The following LRP1B variants were observed in gnomAD, a reference collection of about 807,000 sequenced individuals.
The protein encoded by LRP1B is low-density lipoprotein receptor-related protein 1B.
In LRP1B, 217 loss-of-function variants were observed where a neutral mutation model predicts 556.6. That is an observed-to-expected ratio of 0.39 (90% CI 0.35 to 0.44). The LOEUF (loss-of-function observed/expected upper bound fraction) is 0.44, where lower values mean the gene tolerates loss of function less well. LRP1B is among the 20% of genes least tolerant of loss of function. The pLI, the probability that LRP1B is intolerant of heterozygous loss-of-function variation, is 1.00. For synonymous variants in LRP1B, 2,047 were observed against 1,865.8 expected (o/e 1.10, Z -2.50); for missense variants, 5,053 against 5,620.8 (o/e 0.90, Z 3.23).
chr2:141,819,402 G>A (rs975595873), intron 1 of LRP1B, among the ~76,000 whole-genome samples: 10 of 152,172 alleles, frequency 6.6e-5, no homozygotes, highest in African/African-American at 1.9e-4. Flanking sequence ...TAGAGGGCAA[G>A]GGGTTCTGTC....
At chr2:140,299,502 C>T (rs1000527331) in intron 83 of LRP1B, among the ~76,000 whole-genome samples, 7 of 151,930 alleles carry the variant, frequency 4.6e-5, no homozygotes, top group African/African-American at 7.2e-5. Flanking sequence ...ATACGTTAAA[C>T]GCTGAGTAAT....
At chr2:140,936,460 A>T (rs768134263) in intron 20 of LRP1B, among the ~76,000 whole-genome samples, 24 of 152,122 alleles carry the variant, frequency 1.6e-4, no homozygotes, top group Non-Finnish European at 3.1e-4. Flanking sequence ...TGAAGGTGAA[A>T]TTAAGACCTT....
intron 23 of LRP1B, among the ~76,000 whole-genome samples, chr2:140,891,049 A>G (rs894249846): frequency 6.6e-6 from 1 of 152,156 alleles, no homozygotes; most frequent in Non-Finnish European, 1.5e-5. Flanking sequence ...TAACAGCTCA[A>G]ATCAGCATAC....
intron 46 of LRP1B, among the ~76,000 whole-genome samples, chr2:140,535,792 G>A (rs1690931501): frequency 6.6e-6 from 1 of 152,112 alleles, no homozygotes. Context: ...GCTTACTAGA[G>A]TATAAAAGTT....
At chr2:141,430,050 G>A (rs1680508364) in intron 3 of LRP1B, among the ~76,000 whole-genome samples, 1 of 152,104 alleles carries the variant, frequency 6.6e-6, no homozygotes, top group African/African-American at 2.4e-5. Flanking sequence ...CACAGATGAG[G>A]TTCTTCTGTG....
In LRP1B at chr2:140,867,580, A is replaced by G; in HGVS notation, c.4579+10T>C. 6.2e-7 allele frequency: 1 copy of G among 1,608,310 alleles called. No homozygotes were observed. The highest frequency in any genetic ancestry group is 8.5e-7 in the Non-Finnish European group (1 of 1,176,826). On this transcript the variant is annotated intron_variant, in intron 27 of 90. Transcript: ENST00000389484. ...CTGGGTGGTTAATCCATAAGTGAAC[A>G]AGCACTTACCCTGTGGCTGGCGACT... is the stretch of plus-strand genomic sequence containing the variant.
At position 141,339,291 on chromosome 2, in the gene LRP1B, G is replaced by A. The variant is rs1374734619; in HGVS notation, c.344-84650C>T. On this transcript the variant is annotated intron_variant, in intron 3 of 90. Coordinates refer to ENST00000389484, the MANE Select transcript of LRP1B (RefSeq NM_018557.3). ...TATGTTTGTCATCTCACTACTGCTT[G>A]GGGTAACGCAAAAAAAAAAAAAAGC... Among the ~76,000 whole-genome samples, 4 of 99,064 alleles carry A rather than the reference G, an allele frequency of 4.0e-5. 1 individual carries two copies. Among genetic ancestry groups the A allele is most frequent in the Middle Eastern group, 9.8e-3 (2 of 204 alleles). 65.0% of individuals were successfully genotyped at this position (99,064 alleles called of 152,430 possible).
At chr2:141,937,372 G>A (rs775385025) in intron 1 of LRP1B, among the ~76,000 whole-genome samples, 4 of 151,216 alleles carry the variant, frequency 2.6e-5, no homozygotes, top group South Asian at 2.1e-4. Context: ...GCGACAGAGC[G>A]AGACTCCATC....
rs140035725 is a variant in LRP1B, at chr2:141,471,923, G to C, written c.343+8473C>G. Among the ~76,000 whole-genome samples, 42 of 152,262 alleles carry C rather than the reference G, an allele frequency of 2.8e-4. No homozygotes were observed. The East Asian group carries it at 7.9e-3, about 29-fold the overall frequency. ...ATGAGAAAGATGAAGGAAATATCTA[G>C]ATAAACACAGGCTACCAGGGCCTAT... On this transcript the variant is annotated intron_variant, in intron 3 of 90. Transcript: ENST00000389484.
chr2:141,987,549 G>GT (rs5834887), intron 1 of LRP1B, among the ~76,000 whole-genome samples: 83,140 of 139,832 alleles, frequency 0.59, 24,631 homozygotes, highest in Admixed American at 0.65. Flanking sequence ...GATTTAAGCT[G>GT]TTTTTTTTTT....
At chr2:141,071,991 T>A (rs1332156031) in intron 7 of LRP1B, among the ~76,000 whole-genome samples, 1 of 152,102 alleles carries the variant, frequency 6.6e-6, no homozygotes, top group African/African-American at 2.4e-5. Context: ...CTTCACAGAA[T>A]TGGAAAAACT....
chr2:140,389,909 T>A (rs1683939719), intron 66 of LRP1B, among the ~76,000 whole-genome samples: 1 of 151,936 alleles, frequency 6.6e-6, no homozygotes, highest in African/African-American at 2.4e-5. Context: ...GGCTGGCAGA[T>A]CATGAGGTAA....
chr2:140,306,261 T>C (rs643684), intron 83 of LRP1B, among the ~76,000 whole-genome samples: 126,704 of 151,546 alleles, frequency 0.84, 53,192 homozygotes, highest in African/African-American at 0.9. Flanking sequence ...CGGTAGAATT[T>C]GGCTGTGAAT....
chr2:141,348,740 A>G (rs1225540928), intron 3 of LRP1B, among the ~76,000 whole-genome samples: 1 of 152,080 alleles, frequency 6.6e-6, no homozygotes, highest in African/African-American at 2.4e-5. Flanking sequence ...ATGTTCAAAT[A>G]ACCTGTTGAT....
chr2:141,763,171 C>A (rs1349146267), intron 2 of LRP1B, among the ~76,000 whole-genome samples: 2 of 152,058 alleles, frequency 1.3e-5, no homozygotes, highest in Non-Finnish European at 2.9e-5. Context: ...ATGATTATCA[C>A]AAATAAAGAA....
intron 2 of LRP1B, among the ~76,000 whole-genome samples, chr2:141,577,114 CTATT>C (rs1443003450): frequency 6.6e-6 from 1 of 152,106 alleles, no homozygotes. Flanking sequence ...TCATTGGTGA[CTATT>C]GAAAGTTCAG....
chr2:140,709,337 A>G (rs1686949193), intron 37 of LRP1B, among the ~76,000 whole-genome samples: 1 of 152,064 alleles, frequency 6.6e-6, no homozygotes, highest in South Asian at 2.1e-4. Context: ...GTATTAAATG[A>G]CTTTTCAGCA....
chr2:141,204,429 T>C (rs1293336182), intron 6 of LRP1B, among the ~76,000 whole-genome samples: 3 of 150,564 alleles, frequency 2.0e-5, no homozygotes, highest in Non-Finnish European at 4.4e-5. Context: ...GGTCCTGCAA[T>C]GGCCAGTTTA....
intron 35 of LRP1B, among the ~76,000 whole-genome samples, chr2:140,720,943 G>C (rs1687378837): frequency 6.6e-6 from 1 of 152,056 alleles, no homozygotes; most frequent in Non-Finnish European, 1.5e-5. Context: ...AAGGAGTCTA[G>C]GGCTGGGTTC....
Sources: gnomAD v4.1 joint callset for allele counts (sites outside exome capture counted in the v4.1 genomes callset) on GRCh38, gnomAD v4.1.1 for gene constraint, MANE v1.5 for transcripts, NCBI Gene and HGNC (gene_info 2026-07-23, HGNC 2026-07-21) for gene names.